The following SLIT3 variants were observed in gnomAD, a reference collection of about 807,000 sequenced individuals.
SLIT3 encodes the protein slit homolog 3 protein.
A neutral mutation model predicts 184.0 loss-of-function variants in SLIT3; 68 were observed. The ratio of observed to expected loss-of-function variants is 0.37; its 90% CI spans 0.30 to 0.45. The LOEUF is 0.45. Ranked by LOEUF, SLIT3 falls within the 20% of genes least tolerant of loss-of-function variation. The probability of loss-of-function intolerance (pLI) is 1.00; values close to 1 mark genes in which losing one functional copy is unlikely to be tolerated. For missense variants in SLIT3, 1,707 were observed against 2,026.0 expected (o/e 0.84, Z 3.02); for synonymous variants, 831 against 828.6 (o/e 1.00, Z -0.05).
Position 168,762,525 on chromosome 5 carries a change from G to A in SLIT3, c.1610+14C>T, listed in dbSNP as rs201199559. 248 of 1,610,144 alleles carry A rather than the reference G, an allele frequency of 1.5e-4. No homozygotes were observed. Among genetic ancestry groups the A allele is most frequent in the Non-Finnish European group, 2.0e-4 (230 of 1,176,624 alleles). On this transcript the variant is annotated intron_variant, in intron 15 of 35. Coordinates refer to ENST00000519560, the MANE Select transcript of SLIT3 (RefSeq NM_003062.4). ...TGGGGAGGAGTAGGGAGTTCACGCC[G>A]AGGTTGGACTTACAGGTCGGTGACA...
chr5:168,840,161 C>A (rs1758194608), intron 6 of SLIT3, among the ~76,000 whole-genome samples: 1 of 152,298 alleles, frequency 6.6e-6, no homozygotes, highest in African/African-American at 2.4e-5. Context: ...CTGTTGGGAT[C>A]TCCATGCCAT....
chr5:169,064,212 A>G (rs1233796833), intron 4 of SLIT3, among the ~76,000 whole-genome samples: 1 of 152,190 alleles, frequency 6.6e-6, no homozygotes, highest in African/African-American at 2.4e-5. Flanking sequence ...TGACTTCCTG[A>G]AAGGACTCTA....
chr5:168,796,721 G>T (rs1401466516), intron 9 of SLIT3, among the ~76,000 whole-genome samples: 1 of 152,166 alleles, frequency 6.6e-6, no homozygotes, highest in African/African-American at 2.4e-5. Context: ...GCTGTAGAGT[G>T]GGGGAGACAG....
chr5:168,907,618 A>G (rs371720826), intron 4 of SLIT3, among the ~76,000 whole-genome samples: 112 of 152,270 alleles, frequency 7.4e-4, no homozygotes, highest in African/African-American at 2.5e-3. Flanking sequence ...CATGTATGAT[A>G]AAGAAATGCA....
At chr5:169,292,169 C>T (rs1767379377) in intron 1 of SLIT3, among the ~76,000 whole-genome samples, 1 of 152,206 alleles carries the variant, frequency 6.6e-6, no homozygotes, top group African/African-American at 2.4e-5. Flanking sequence ...AGGGAAATCA[C>T]TGTGTTTAAA....
intron 1 of SLIT3, among the ~76,000 whole-genome samples, chr5:169,276,530 G>A (rs1766814143): frequency 6.6e-6 from 1 of 152,198 alleles, no homozygotes; most frequent in Non-Finnish European, 1.5e-5. Flanking sequence ...GATTCTGAGA[G>A]TTTGTAACAA....
intron 10 of SLIT3, among the ~76,000 whole-genome samples, chr5:168,793,409 C>T (rs900587200): frequency 1.3e-5 from 2 of 152,092 alleles, no homozygotes; most frequent in African/African-American, 4.8e-5. Context: ...CTCTCCCAAA[C>T]CATTGATTGC....
chr5:168,912,645 C>T (rs1272995177), intron 4 of SLIT3, among the ~76,000 whole-genome samples: 3 of 152,204 alleles, frequency 2.0e-5, no homozygotes, highest in Admixed American at 6.5e-5. Context: ...GTGTATATTA[C>T]AAACATACTG....
rs1760890897 is a variant in SLIT3, at chr5:168,662,387, G to T, written c.*4067C>A. ...CAGTCTGGCAATAGCTTTGTTTCTG[G>T]TGAAGGGAAAGGTTAGATCATCCTG... On this transcript the variant is annotated 3_prime_UTR_variant, in exon 36 of 36. Transcript: ENST00000519560. The T allele has an allele frequency of 6.6e-6, 1 of 152,218 alleles. No individual in the cohort carries two copies. The highest frequency in any genetic ancestry group is 2.4e-5 in the African/African-American group (1 of 41,458). 9.4% of individuals were successfully genotyped at this position (152,218 alleles called of 1,614,324 possible).
In SLIT3 at chr5:168,664,579, A is replaced by G. The variant is rs1760977145; in HGVS notation, c.*1875T>C. Reference sequence around the variant, plus strand: ...CTTCCTTTCTTTTCTTTCTCCCTTCATTATTCCCTGCGTCTTTGGCCCACC... The same window carrying G: ...CTTCCTTTCTTTTCTTTCTCCCTTCGTTATTCCCTGCGTCTTTGGCCCACC... On this transcript the variant is annotated 3_prime_UTR_variant, in exon 36 of 36. Coordinates refer to ENST00000519560, the MANE Select transcript of SLIT3 (RefSeq NM_003062.4). 6.7e-6 allele frequency: 1 copy of G among 150,374 alleles called. No homozygotes were observed. The highest frequency in any genetic ancestry group is 1.9e-4 in the East Asian group (1 of 5,150). 9.3% of individuals were successfully genotyped at this position (150,374 alleles called of 1,614,324 possible). A position where few individuals can be genotyped will look rare whatever the true frequency, so the allele number is the denominator to read the frequency against.
intron 5 of SLIT3, among the ~76,000 whole-genome samples, chr5:168,848,269 G>A (rs1021179075): frequency 2.0e-5 from 3 of 152,202 alleles, no homozygotes; most frequent in African/African-American, 7.2e-5. Flanking sequence ...GGCCCTTCTA[G>A]TGACGACAAT....
chr5:168,882,292 GT>G (rs1485468274), intron 5 of SLIT3, among the ~76,000 whole-genome samples: 3 of 152,178 alleles, frequency 2.0e-5, no homozygotes, highest in African/African-American at 7.2e-5. Context: ...CCAAAAGCAT[GT>G]TCCGACCCCG....
rs538955556 is a variant in SLIT3, at chr5:168,987,292, G to A, written c.414-103956C>T. Among the ~76,000 whole-genome samples the A allele has an allele frequency of 3.3e-5, 5 of 152,178 alleles. No homozygotes were observed. In the South Asian group the frequency reaches 6.2e-4, roughly 19 times the overall value. ...TGCATTCTTCCTTTATGTTCACCAA[G>A]TTAATCTCTCCCACATATTCACAAT... On this transcript the variant is annotated intron_variant, in intron 4 of 35. Coordinates refer to ENST00000519560, the MANE Select transcript of SLIT3 (RefSeq NM_003062.4).
At chr5:169,130,061 C>A (rs964318198) in intron 4 of SLIT3, among the ~76,000 whole-genome samples, 3 of 152,094 alleles carry the variant, frequency 2.0e-5, no homozygotes, top group African/African-American at 7.2e-5. Context: ...TTTGGCGAGG[C>A]TGGTCTTGAA....
intron 4 of SLIT3, among the ~76,000 whole-genome samples, chr5:168,884,365 T>G (rs1760089442): frequency 6.7e-6 from 1 of 149,900 alleles, no homozygotes; most frequent in African/African-American, 2.5e-5. Context: ...AGCCGGGGGC[T>G]AGGGACACAA....
intron 1 of SLIT3, among the ~76,000 whole-genome samples, chr5:169,295,232 T>C (rs1767464330): frequency 6.6e-6 from 1 of 152,278 alleles, no homozygotes; most frequent in African/African-American, 2.4e-5. Flanking sequence ...TTGTCCACTG[T>C]TGACCAGAAT....
chr5:168,724,583 C>T (rs994576309), intron 20 of SLIT3, 99 bp from the exon 21 acceptor site: 2 of 808,450 alleles, frequency 2.5e-6, no homozygotes, highest in Non-Finnish European at 3.9e-6. Flanking sequence ...TGGATTAGGT[C>T]CCTCTTTTAC....
At chr5:169,228,517 C>T (rs1275018505) in intron 3 of SLIT3, among the ~76,000 whole-genome samples, 1 of 152,178 alleles carries the variant, frequency 6.6e-6, no homozygotes, top group Non-Finnish European at 1.5e-5. Context: ...CAGAGCCTTC[C>T]TGGACTTGCT....
At chr5:168,673,381 C>T (rs1334496447) in intron 32 of SLIT3, 50 bp from the exon 33 acceptor site, 3 of 1,580,366 alleles carry the variant, frequency 1.9e-6, no homozygotes, top group Non-Finnish European at 2.6e-6. Context: ...AAGGGCCTTC[C>T]ATGGCTGGGC....
Sources: allele counts gnomAD v4.1 joint callset (sites outside exome capture counted in the v4.1 genomes callset), GRCh38; gene constraint gnomAD v4.1.1; transcripts MANE v1.5; gene names NCBI Gene and HGNC (gene_info 2026-07-23, HGNC 2026-07-21).